GPR158: variants seen among roughly 807,000 people sequenced by gnomAD.
The protein encoded by GPR158 is metabotropic glycine receptor.
Under a neutral mutation model 78.2 loss-of-function variants are expected in GPR158, and 30 were observed. The observed-to-expected ratio is 0.38, with a 90% CI of 0.29 to 0.52. GPR158 has a LOEUF of 0.52. Ranked by LOEUF, GPR158 falls within the 20% of genes least tolerant of loss-of-function variation. The probability of loss-of-function intolerance (pLI) is 0.83; values close to 1 mark genes in which losing one functional copy is unlikely to be tolerated. For synonymous variants in GPR158, 581 were observed against 591.1 expected, an observed-to-expected ratio of 0.98 and a Z score of 0.25; for missense variants, 1,463 against 1,523.5, an observed-to-expected ratio of 0.96 and a Z score of 0.66.
intron 2 of GPR158, among the ~76,000 whole-genome samples, chr10:25,240,923 G>C (rs1853595686): frequency 6.6e-6 from 1 of 152,042 alleles, no homozygotes; most frequent in Non-Finnish European, 1.5e-5. Flanking sequence ...ACCTATCATT[G>C]GCTGCTAAGA....
intron 2 of GPR158, among the ~76,000 whole-genome samples, chr10:25,334,641 T>C (rs565401259): frequency 6.6e-6 from 1 of 152,204 alleles, no homozygotes; most frequent in South Asian, 2.1e-4. Context: ...ATTCTAGTTA[T>C]GATTGTTACA....
chr10:25,490,362 T>C (rs1181507356), intron 5 of GPR158, among the ~76,000 whole-genome samples: 1 of 148,734 alleles, frequency 6.7e-6, no homozygotes, highest in Non-Finnish European at 1.5e-5. Context: ...TACATATGTA[T>C]ACATGTGCCA....
rs367697102 is a variant in GPR158 at position 25,520,405 on chromosome 10, T to C, written c.1405-30571T>C. On this transcript the variant is annotated intron_variant, in intron 5 of 10. Coordinates refer to ENST00000376351, the MANE Select transcript of GPR158 (RefSeq NM_020752.3). ...AGTCATTCTCCATCCAGCTTTGTTC[T>C]GTTGCTGGTGAGGAACTGCGTTCCT... 1.0e-2 allele frequency among the ~76,000 whole-genome samples: 1,439 copies of C among 144,462 alleles called. 18 individuals carry two copies. The highest frequency in any genetic ancestry group is 0.038 in the African/African-American group (1,326 of 35,292). The allele number at this position is 144,462 out of a possible 152,430, so 94.8% of individuals were successfully genotyped here.
At chr10:25,342,011 T>C (rs1450381452) in intron 2 of GPR158, among the ~76,000 whole-genome samples, 1 of 152,006 alleles carries the variant, frequency 6.6e-6, no homozygotes, top group Non-Finnish European at 1.5e-5. Context: ...ATTGCTCTTA[T>C]TTTCAGTTCT....
At chr10:25,260,168 TTTTG>T (rs1226527624) in intron 2 of GPR158, among the ~76,000 whole-genome samples, 5 of 152,304 alleles carry the variant, frequency 3.3e-5, no homozygotes, top group Non-Finnish European at 5.9e-5. Context: ...CGATAGATTT[TTTTG>T]TTTGTTTGTC....
rs751788575 is a variant in GPR158 at position 25,598,803 on chromosome 10, G to T, written c.3177G>T (p.Gln1059His). 5 of 1,614,018 alleles carry T rather than the reference G, an allele frequency of 3.1e-6. No homozygotes were observed. The South Asian group carries it at 5.5e-5, about 18-fold the overall frequency. The change falls in exon 11 of 11, where the codon CAG becomes CAT. Residue 1059 changes from glutamine (Q) to histidine (H), a missense_variant. Transcript: ENST00000376351. ...AGCCTAAGGCAGCTGAGGTTTGTCA[G>T]CAATCCAATCAGAAGCGCATAGATA... ...HHKPKAAEVC[Q>H]QSNQKRIDKA... is the part of the protein sequence containing the mutation.
intron 2 of GPR158, among the ~76,000 whole-genome samples, chr10:25,278,000 A>AT (rs1390666203): frequency 6.6e-6 from 1 of 152,202 alleles, no homozygotes; most frequent in African/African-American, 2.4e-5. Flanking sequence ...TGAGGCAAGT[A>AT]TAAAACTTCC....
chr10:25,238,062 TC>T (rs1853550719), intron 2 of GPR158, among the ~76,000 whole-genome samples: 1 of 120,170 alleles, frequency 8.3e-6, no homozygotes, highest in African/African-American at 4.3e-5. Flanking sequence ...TTTTCTTTTC[TC>T]TCCTTCTTCT....
intron 2 of GPR158, among the ~76,000 whole-genome samples, chr10:25,358,478 G>T (rs1304521803): frequency 2.0e-5 from 3 of 152,026 alleles, no homozygotes; most frequent in Admixed American, 1.3e-4. Flanking sequence ...ATGGGGGCAG[G>T]TCTTTCCTGT....
chr10:25,390,143 C>G (rs902228234), intron 2 of GPR158, among the ~76,000 whole-genome samples: 56 of 152,196 alleles, frequency 3.7e-4, no homozygotes, highest in African/African-American at 1.3e-3. Flanking sequence ...TCTTTTAAAT[C>G]TCTTTCCTCT....
chr10:25,424,590 C>T (rs1188129411), intron 4 of GPR158, among the ~76,000 whole-genome samples: 1 of 151,612 alleles, frequency 6.6e-6, no homozygotes, highest in African/African-American at 2.4e-5. Flanking sequence ...CCAGTTTCAG[C>T]TTTCTACATA....
intron 2 of GPR158, among the ~76,000 whole-genome samples, chr10:25,272,277 T>C (rs1309721878): frequency 6.6e-6 from 1 of 152,206 alleles, no homozygotes; most frequent in Non-Finnish European, 1.5e-5. Flanking sequence ...TTTTTAGGAA[T>C]GTATTGTTTT....
chr10:25,528,679 G>C (rs1024281827), intron 5 of GPR158, among the ~76,000 whole-genome samples: 1 of 152,164 alleles, frequency 6.6e-6, no homozygotes, highest in African/African-American at 2.4e-5. Context: ...GAATTAAGTG[G>C]TGTCAGTTCT....
rs191732172 is a variant in GPR158 at position 25,273,993 on chromosome 10, T to C, written c.1008+52836T>C. ...GTGCCTAGCCTCAAAGAAAATGTTT[T>C]TTGCGAGACATGGTTTTTCTCTGCT... On this transcript the variant is annotated intron_variant, in intron 2 of 10. Transcript: ENST00000376351. Among the ~76,000 whole-genome samples the C allele has an allele frequency of 2.1e-3, 315 of 152,272 alleles. 5 individuals carry two copies. Among genetic ancestry groups the C allele is most frequent in the African/African-American group, 7.4e-3 (308 of 41,558 alleles).
chr10:25,387,186 G>C (rs555334251), intron 2 of GPR158, among the ~76,000 whole-genome samples: 4 of 152,144 alleles, frequency 2.6e-5, no homozygotes, highest in Admixed American at 6.5e-5. Context: ...ATCATAAAAG[G>C]GTGTTGCATT....
At chr10:25,411,877 T>A (rs1834590185) in intron 3 of GPR158, among the ~76,000 whole-genome samples, 1 of 131,598 alleles carries the variant, frequency 7.6e-6, no homozygotes, top group Non-Finnish European at 1.5e-5. Flanking sequence ...GAGCTTGCAG[T>A]GAGCAGAGAT....
chr10:25,571,324 A>G (rs1837004942), intron 6 of GPR158, among the ~76,000 whole-genome samples: 1 of 152,208 alleles, frequency 6.6e-6, no homozygotes, highest in Non-Finnish European at 1.5e-5. Flanking sequence ...CCTGAAGGAC[A>G]GTGGGGTTAA....
At chr10:25,283,252 A>C (rs955269194) in intron 2 of GPR158, among the ~76,000 whole-genome samples, 2 of 151,966 alleles carry the variant, frequency 1.3e-5, no homozygotes, top group Non-Finnish European at 2.9e-5. Flanking sequence ...GGAACTGGTA[A>C]TTTTATTTAA....
Position 25,589,028 on chromosome 10 carries a change from G to A in GPR158, c.1775G>A (p.Trp592Ter), listed in dbSNP as rs764493979. 1 of 1,578,458 alleles carries A rather than the reference G, an allele frequency of 6.3e-7. No individual in the cohort carries two copies. Among genetic ancestry groups the A allele is most frequent in the African/African-American group, 1.3e-5 (1 of 74,552 alleles). ...TAVAEFLFLL[W>*]GVYLCYAVRT... ...ACAGCTGAATTTTTATTCCTCTTGT[G>A]GGGTGTTTATCTCTGCTATGCAGTG... is the stretch of plus-strand genomic sequence containing the variant. The change falls in exon 8 of 11, where the codon TGG becomes TAG. Residue 592 changes from tryptophan (W) to a stop codon, truncating the protein, a stop_gained. Transcript: ENST00000376351. LOFTEE classifies it high-confidence loss of function.
Sources: allele counts gnomAD v4.1 joint callset (sites outside exome capture counted in the v4.1 genomes callset), GRCh38; gene constraint gnomAD v4.1.1; transcripts MANE v1.5; gene names NCBI Gene and HGNC (gene_info 2026-07-23, HGNC 2026-07-21).